Variants in COG5 observed in about 807,000 individuals in gnomAD.
COG5 encodes the protein conserved oligomeric Golgi complex subunit 5.
In COG5, 86 loss-of-function variants were observed where a neutral mutation model predicts 110.4. The observed-to-expected ratio is 0.78, with a 90% CI of 0.65 to 0.93. COG5 has a LOEUF of 0.93. COG5 is among the 40% of genes least tolerant of loss of function. COG5 has a pLI of 0.00. For missense variants in COG5, 1,077 were observed against 987.0 expected, an observed-to-expected ratio of 1.09 and a Z score of -1.22; for synonymous variants, 360 against 334.6, an observed-to-expected ratio of 1.08 and a Z score of -0.83.
intron 21 of COG5, among the ~76,000 whole-genome samples, chr7:107,206,204 G>A (rs1485728429): frequency 1.3e-5 from 2 of 152,056 alleles, no homozygotes; most frequent in African/African-American, 4.8e-5. Context: ...CTCGTGATCC[G>A]CCCACCTGGG....
chr7:107,435,866 A>C lies in COG5; in HGVS notation c.539-23234T>G, dbSNP rs563037122. Among the ~76,000 whole-genome samples the C allele has an allele frequency of 4.6e-5, 7 of 152,354 alleles. No individual in the cohort carries two copies. In the South Asian group the frequency reaches 1.0e-3, roughly 23 times the overall value. ...GCCCATATTCATAGCAGCAATATTC[A>C]CAATAGCCATGAGGTGGAAGCAATT... On this transcript the variant is annotated intron_variant, in intron 6 of 21. Transcript: ENST00000297135.
At chr7:107,274,875 C>G (rs888425173) in intron 14 of COG5, among the ~76,000 whole-genome samples, 1 of 152,118 alleles carries the variant, frequency 6.6e-6, no homozygotes, top group Non-Finnish European at 1.5e-5. Context: ...TTAGTCCTGA[C>G]AGTTCATCTA....
At chr7:107,516,369 T>G (rs1182295036) in intron 6 of COG5, among the ~76,000 whole-genome samples, 1 of 152,230 alleles carries the variant, frequency 6.6e-6, no homozygotes, top group Non-Finnish European at 1.5e-5. Context: ...ATGCAAGTCC[T>G]CTATCAAATA....
intron 12 of COG5, among the ~76,000 whole-genome samples, chr7:107,291,978 C>T (rs1439695428): frequency 6.6e-6 from 1 of 152,148 alleles, no homozygotes; most frequent in Non-Finnish European, 1.5e-5. Flanking sequence ...AGAATAGAGG[C>T]TGTTTTTCTC....
intron 10 of COG5, among the ~76,000 whole-genome samples, chr7:107,340,541 A>G (rs1811089541): frequency 6.6e-6 from 1 of 152,208 alleles, no homozygotes; most frequent in South Asian, 2.1e-4. Flanking sequence ...TGATGCCAGC[A>G]TCACCCTGAT....
intron 16 of COG5, among the ~76,000 whole-genome samples, chr7:107,248,790 G>A (rs1286505548): frequency 6.6e-6 from 1 of 152,160 alleles, no homozygotes; most frequent in South Asian, 2.1e-4. Flanking sequence ...TACGCAAGAA[G>A]ACAGTAGTTC....
intron 11 of COG5, among the ~76,000 whole-genome samples, chr7:107,314,931 C>T (rs760962481): frequency 6.6e-6 from 1 of 152,046 alleles, no homozygotes; most frequent in Non-Finnish European, 1.5e-5. Flanking sequence ...TATCTCAAGC[C>T]CTTAACACAA....
intron 14 of COG5, among the ~76,000 whole-genome samples, chr7:107,269,458 G>C (rs1370416161): frequency 6.8e-6 from 1 of 147,614 alleles, no homozygotes; most frequent in East Asian, 2.0e-4. Context: ...CTGGGCGACA[G>C]AGCAAGACTC....
At position 107,557,957 on chromosome 7, in the gene COG5, C is replaced by G; in HGVS notation, c.234+19G>C. Reference sequence around the variant, plus strand: ...CTTTAGGCTGAATAATCCATAGGGACCCAGAAGATCAGAATTACCTGTAAG... The same window carrying G: ...CTTTAGGCTGAATAATCCATAGGGAGCCAGAAGATCAGAATTACCTGTAAG... On this transcript the variant is annotated intron_variant, in intron 2 of 21. Coordinates refer to ENST00000297135, the MANE Select transcript of COG5 (RefSeq NM_006348.5). 1 of 1,613,660 alleles carries G rather than the reference C, an allele frequency of 6.2e-7. No individual in the cohort carries two copies. The highest frequency in any genetic ancestry group is 8.5e-7 in the Non-Finnish European group (1 of 1,179,704).
intron 10 of COG5, among the ~76,000 whole-genome samples, chr7:107,337,735 G>A (rs1810827059): frequency 6.6e-6 from 1 of 152,044 alleles, no homozygotes; most frequent in Admixed American, 6.6e-5. Context: ...ATGTTCAATA[G>A]CAGAGTAAGG....
chr7:107,474,314 A>ATG lies in COG5; in HGVS notation c.538+52921_538+52922dup, dbSNP rs1796838059. ...AGTAACATTATTACAATGAATCTTC[A>ATG]TGTACTTGATGTAATAATTTGTGTG... On this transcript the variant is annotated intron_variant, in intron 6 of 21. Coordinates refer to ENST00000297135, the MANE Select transcript of COG5 (RefSeq NM_006348.5). The surrounding 1 kb of genome is among the most constrained non-coding windows in gnomAD (Gnocchi z 5.7). The ATG allele has an allele frequency of 6.2e-7, 1 of 1,607,856 alleles. No individual in the cohort carries two copies. The highest frequency in any genetic ancestry group is 1.3e-5 in the African/African-American group (1 of 74,762).
intron 3 of COG5, among the ~76,000 whole-genome samples, chr7:107,551,603 C>T (rs1332380824): frequency 2.6e-5 from 4 of 151,956 alleles, no homozygotes; most frequent in African/African-American, 9.7e-5. Flanking sequence ...AACCAATTCA[C>T]ATTTAAAGTT....
intron 10 of COG5, among the ~76,000 whole-genome samples, chr7:107,342,654 G>C (rs542005430): frequency 2.8e-4 from 43 of 151,992 alleles, no homozygotes; most frequent in African/African-American, 1.0e-3. Flanking sequence ...TTCCAGCCTG[G>C]GCAACAGAGC....
chr7:107,290,959 T>C (rs1025507483), intron 12 of COG5, among the ~76,000 whole-genome samples: 1 of 152,146 alleles, frequency 6.6e-6, no homozygotes, highest in Admixed American at 6.5e-5. Context: ...CCCAGCCGAT[T>C]GTATAGTTTT....
At chr7:107,313,561 C>A (rs920824137) in intron 11 of COG5, among the ~76,000 whole-genome samples, 1 of 152,144 alleles carries the variant, frequency 6.6e-6, no homozygotes, top group Non-Finnish European at 1.5e-5. Flanking sequence ...AATGTGTCAG[C>A]AGTATAGTCA....
At chr7:107,422,004 T>C (rs1175426041) in intron 6 of COG5, among the ~76,000 whole-genome samples, 1 of 152,098 alleles carries the variant, frequency 6.6e-6, no homozygotes, top group African/African-American at 2.4e-5. Flanking sequence ...AAAACTTTGT[T>C]ATTAGAAAAA....
At chr7:107,548,852 A>C (rs963100932) in intron 3 of COG5, among the ~76,000 whole-genome samples, 14 of 152,180 alleles carry the variant, frequency 9.2e-5, no homozygotes, top group African/African-American at 3.4e-4. Context: ...AAATTGGAAA[A>C]ATATTTCCAG....
chr7:107,506,442 C>G (rs944019249), intron 6 of COG5, among the ~76,000 whole-genome samples: 1 of 152,150 alleles, frequency 6.6e-6, no homozygotes, highest in African/African-American at 2.4e-5. Context: ...TGACTCTCCA[C>G]AAGTGGGGCA....
chr7:107,362,735 TG>T (rs1347627128), intron 8 of COG5, among the ~76,000 whole-genome samples: 1 of 151,938 alleles, frequency 6.6e-6, no homozygotes. Flanking sequence ...TCATGCCTCT[TG>T]TAGGAAACCA....
Sources: gnomAD v4.1 joint callset for allele counts (sites outside exome capture counted in the v4.1 genomes callset) on GRCh38, gnomAD v4.1.1 for gene constraint, Gnocchi (gnomAD v3.1) non-coding constraint, MANE v1.5 for transcripts, NCBI Gene and HGNC (gene_info 2026-07-23, HGNC 2026-07-21) for gene names.